Variants in TMEM134 observed in about 807,000 individuals in gnomAD.
TMEM134 encodes transmembrane protein 134.
Under a neutral mutation model 26.2 loss-of-function variants are expected in TMEM134, and 36 were observed. That is an observed-to-expected ratio of 1.37 (90% CI 1.05 to 1.81). TMEM134 has a LOEUF of 1.81. Ranked by LOEUF, TMEM134 falls within the 40% of genes most tolerant of loss-of-function variation. The pLI, the probability that TMEM134 is intolerant of heterozygous loss-of-function variation, is 0.00. For missense variants in TMEM134, 339 were observed against 263.5 expected, an observed-to-expected ratio of 1.29 and a Z score of -1.98; for synonymous variants, 133 against 113.6, an observed-to-expected ratio of 1.17 and a Z score of -1.08.
At chr11:67,467,480 G>T in intron 3 of TMEM134, 21 bp downstream of exon 3, 1 of 1,613,746 alleles carries the variant, frequency 6.2e-7, no homozygotes, top group Non-Finnish European at 8.5e-7. Flanking sequence ...CTCGGCTGGG[G>T]GCTTAGGCGG....
Position 67,469,239 on chromosome 11 carries a change from C to T in TMEM134, c.-47G>A. ...CGTGCGCCGCCGCCATCTGCGCCCA[C>T]ACACCCAGCGTCGCCGCTGCCCCGC... On this transcript the variant is annotated 5_prime_UTR_variant, in exon 1 of 7. The change creates a new upstream start codon in the 5' untranslated region. Transcript: ENST00000308022. The T allele has an allele frequency of 8.0e-7, 1 of 1,242,374 alleles. No homozygotes were observed. Among genetic ancestry groups the T allele is most frequent in the African/African-American group, 1.6e-5 (1 of 64,146 alleles). The allele number at this position is 1,242,374 out of a possible 1,614,324, so 77.0% of individuals were successfully genotyped here.
chr11:67,464,783 G>T lies in TMEM134; in HGVS notation c.505+20C>A, dbSNP rs1183525139. Reference sequence around the variant, plus strand: ...CCGCCCCACAGCCCCCGCCCCTTCCGCCCCGGTGCCCGCTCGCACCTCCAG... The same window carrying T: ...CCGCCCCACAGCCCCCGCCCCTTCCTCCCCGGTGCCCGCTCGCACCTCCAG... On this transcript the variant is annotated intron_variant, in intron 6 of 6. Coordinates refer to ENST00000308022, the MANE Select transcript of TMEM134 (RefSeq NM_025124.4). The T allele has an allele frequency of 3.9e-6, 6 of 1,548,956 alleles. No homozygotes were observed. In the African/African-American group the frequency reaches 5.4e-5, roughly 14 times the overall value.
chr11:67,463,511 T>C lies in TMEM134; in HGVS notation c.*1103A>G, dbSNP rs1482305415. ...CGGAGGTAGTGAAGATTACAAGATATAACCCGTGTTCAGTGCTTAGCGCAG... is the reference window on the plus strand; with the variant it reads ...CGGAGGTAGTGAAGATTACAAGATACAACCCGTGTTCAGTGCTTAGCGCAG... On this transcript the variant is annotated 3_prime_UTR_variant, in exon 7 of 7. Transcript: ENST00000308022. 6.6e-6 allele frequency: 1 copy of C among 152,002 alleles called. No individual in the cohort carries two copies. Among genetic ancestry groups the C allele is most frequent in the Non-Finnish European group, 1.5e-5 (1 of 68,020 alleles). 9.4% of individuals were successfully genotyped at this position (152,002 alleles called of 1,614,324 possible). A position where few individuals can be genotyped will look rare whatever the true frequency, so the allele number is the denominator to read the frequency against.
rs745744897 is a variant in TMEM134, at chr11:67,469,215, G to A, written c.-23C>T. On this transcript the variant is annotated 5_prime_UTR_variant, in exon 1 of 7. The change creates a new upstream start codon in the 5' untranslated region. Transcript: ENST00000308022. ...CATGGCCCCGGCCCGCTCAGGCGCC[G>A]TGCGCCGCCGCCATCTGCGCCCACA... 4.8e-6 allele frequency: 6 copies of A among 1,258,782 alleles called. No homozygotes were observed. The highest frequency in any genetic ancestry group is 1.6e-5 in the African/African-American group (1 of 64,350). 78.0% of individuals were successfully genotyped at this position (1,258,782 alleles called of 1,614,324 possible).
In TMEM134 at chr11:67,464,705, C is replaced by A. The variant is rs979555463; in HGVS notation, c.506-9G>T. On this transcript the variant is annotated splice_polypyrimidine_tract_variant and intron_variant, in intron 6 of 6. Coordinates refer to ENST00000308022, the MANE Select transcript of TMEM134 (RefSeq NM_025124.4). Reference sequence around the variant, plus strand: ...GAAGATCACGTGATAGACTGCGGGGCGGGGCCTGTCAGCGCAGAAGCCCCG... The same window carrying A: ...GAAGATCACGTGATAGACTGCGGGGAGGGGCCTGTCAGCGCAGAAGCCCCG... 1.3e-6 allele frequency: 2 copies of A among 1,551,864 alleles called. No homozygotes were observed. The highest frequency in any genetic ancestry group is 2.0e-5 in the Admixed American group (1 of 51,062).
At chr11:67,467,141 G>A in intron 4 of TMEM134, 171 bp downstream of exon 4, 1 of 624,564 alleles carries the variant, frequency 1.6e-6, no homozygotes, top group Non-Finnish European at 2.8e-6. Flanking sequence ...GTGTGCCCAG[G>A]TCACAAGGCC....
At position 67,464,828 on chromosome 11, in the gene TMEM134, C is replaced by T. The variant is rs766640767; in HGVS notation, c.480G>A (p.Pro160=). 4.3e-6 allele frequency: 7 copies of T among 1,610,354 alleles called. No individual in the cohort carries two copies. The highest frequency in any genetic ancestry group is 5.1e-6 in the Non-Finnish European group (6 of 1,179,650). The change falls in exon 6 of 7, where the codon CCG becomes CCA. Residue 160 remains proline, a synonymous_variant. Transcript: ENST00000308022. ...PGVSSAIFFV[P]GFLLLVPGVY... ...CTCCAGGCACCAACAACAGGAAGCC[C>T]GGCACGAAGAAGATGGCGCTGGAGA... is the stretch of plus-strand genomic sequence containing the variant.
chr11:67,468,892 C>T, intron 1 of TMEM134, 127 bp downstream of exon 1: 1 of 954,424 alleles, frequency 1.0e-6, no homozygotes, highest in South Asian at 2.5e-5. Context: ...GTCCGCGGGG[C>T]GGGGGGGCGG....
Position 67,469,237 on chromosome 11 carries a change from C to G in TMEM134, c.-45G>C. On this transcript the variant is annotated 5_prime_UTR_variant, in exon 1 of 7. Transcript: ENST00000308022. ...GCCGTGCGCCGCCGCCATCTGCGCC[C>G]ACACACCCAGCGTCGCCGCTGCCCC... 1.6e-6 allele frequency: 2 copies of G among 1,244,396 alleles called. No homozygotes were observed. Among genetic ancestry groups the G allele is most frequent in the Non-Finnish European group, 2.0e-6 (2 of 991,826 alleles). The allele number at this position is 1,244,396 out of a possible 1,614,324, so 77.1% of individuals were successfully genotyped here.
At chr11:67,466,807 G>C (rs949250) in intron 4 of TMEM134, 17,824 of 169,228 alleles carry the variant, frequency 0.11, 3,398 homozygotes, top group African/African-American at 0.4. Flanking sequence ...CCCCATCTGA[G>C]CAATGGGTAG....
At chr11:67,468,973 T>G in intron 1 of TMEM134, 46 bp downstream of exon 1, 2 of 1,420,616 alleles carry the variant, frequency 1.4e-6, no homozygotes, top group Non-Finnish European at 9.2e-7. Flanking sequence ...CGGCCTGGGG[T>G]CCCGTCCGGC....
At chr11:67,467,660 T>G (rs1865358477) in intron 2 of TMEM134, 70 bp from the exon 3 acceptor site, 2 of 1,469,648 alleles carry the variant, frequency 1.4e-6, no homozygotes, top group Non-Finnish European at 1.9e-6. Flanking sequence ...GGAGTCCTGA[T>G]GAAGTGCAGG....
intron 1 of TMEM134, 96 bp from the exon 2 acceptor site, chr11:67,468,188 C>A (rs1329405245): frequency 1.7e-6 from 2 of 1,150,230 alleles, no homozygotes; most frequent in Non-Finnish European, 2.5e-6. Flanking sequence ...AACCATTTGC[C>A]TGGCCGCCTG....
intron 4 of TMEM134, chr11:67,466,543 C>G (rs1296229606): frequency 6.5e-6 from 1 of 153,058 alleles, no homozygotes; most frequent in Non-Finnish European, 1.5e-5. Context: ...CAGCCCCCTC[C>G]CCCACACTCA....
chr11:67,466,389 G>C lies in TMEM134; in HGVS notation c.406+923C>G, dbSNP rs998559883. The C allele has an allele frequency of 2.6e-5, 4 of 152,228 alleles. No homozygotes were observed. The East Asian group carries it at 7.7e-4, about 29-fold the overall frequency. 9.4% of individuals were successfully genotyped at this position (152,228 alleles called of 1,614,324 possible). A position where few individuals can be genotyped will look rare whatever the true frequency, so the allele number is the denominator to read the frequency against. On this transcript the variant is annotated intron_variant, in intron 4 of 6. Transcript: ENST00000308022. ...AAAATAAAGGGGTATAGGGTATGAT[G>C]GGGGCTGAAACTCACTCCCTGCACC...
At chr11:67,467,713 G>A in intron 2 of TMEM134, 123 bp from the exon 3 acceptor site, 1 of 912,400 alleles carries the variant, frequency 1.1e-6, no homozygotes, top group African/African-American at 1.6e-5. Context: ...AGGATAGTGG[G>A]CCCTGAGAGG....
At chr11:67,465,428 G>A (rs1865190369) in intron 4 of TMEM134, 1 of 326,718 alleles carries the variant, frequency 3.1e-6, no homozygotes, top group African/African-American at 2.2e-5. Context: ...CTTAGTGGAG[G>A]AACCAATAAG....
At position 67,465,043 on chromosome 11, in the gene TMEM134, G is replaced by A; in HGVS notation, c.451+13C>T. On this transcript the variant is annotated intron_variant, in intron 5 of 6. Coordinates refer to ENST00000308022, the MANE Select transcript of TMEM134 (RefSeq NM_025124.4). ...GGGTGTCCTCTGCCTGTGGGGGCGG[G>A]AGGGTCGCTCACCTGGAGAGGGGGT... The A allele has an allele frequency of 1.9e-6, 3 of 1,572,086 alleles. No homozygotes were observed. The highest frequency in any genetic ancestry group is 2.3e-5 in the South Asian group (2 of 86,444).
rs1391790782 is a variant in TMEM134 at position 67,468,096 on chromosome 11, T to C, written c.175-4A>G. The stretch of plus-strand genomic sequence containing the variant: ...CATCCTCATCGTTCTCCAGGTTCTG[T>C]TGCAGAACACAGGTCTCAGGGGGGT... On this transcript the variant is annotated splice_region_variant and splice_polypyrimidine_tract_variant and intron_variant, in intron 1 of 6. Coordinates refer to ENST00000308022, the MANE Select transcript of TMEM134 (RefSeq NM_025124.4). The C allele has an allele frequency of 1.9e-6, 3 of 1,561,024 alleles. No individual in the cohort carries two copies. Among genetic ancestry groups the C allele is most frequent in the Non-Finnish European group, 1.7e-6 (2 of 1,152,178 alleles).
Sources: gnomAD v4.1 joint callset for allele counts on GRCh38, gnomAD v4.1.1 for gene constraint, MANE v1.5 for transcripts, NCBI Gene and HGNC (gene_info 2026-07-23, HGNC 2026-07-21) for gene names.